Variants in RBFOX1 observed in about 807,000 individuals in gnomAD.
The protein encoded by RBFOX1 is RNA binding protein fox-1 homolog 1.
RBFOX1 carries 8 observed loss-of-function variants against 57.7 expected under a neutral mutation model. The observed-to-expected ratio is 0.14, with a 90% CI of 0.08 to 0.25. The LOEUF (loss-of-function observed/expected upper bound fraction) is 0.25, where lower values mean the gene tolerates loss of function less well. Among genes scored for constraint, RBFOX1 ranks in the 10% least tolerant of loss-of-function variants. The pLI, the probability that RBFOX1 is intolerant of heterozygous loss-of-function variation, is 1.00. For missense variants in RBFOX1, 611 were observed against 548.5 expected, an observed-to-expected ratio of 1.11 and a Z score of -1.14; for synonymous variants, 326 against 222.4, an observed-to-expected ratio of 1.47 and a Z score of -4.15.
intron 3 of RBFOX1, among the ~76,000 whole-genome samples, chr16:7,000,137 G>T (rs780387881): frequency 6.6e-6 from 1 of 150,838 alleles, no homozygotes. Context: ...AAAGTTTTCA[G>T]TACTTACAAT....
chr16:7,595,480 C>G (rs562884166), intron 7 of RBFOX1, 69 bp from the exon 8 acceptor site: 16 of 1,228,758 alleles, frequency 1.3e-5, no homozygotes, highest in Non-Finnish European at 1.7e-5. Context: ...AGCGAGAGAA[C>G]ATTACCAAGT....
chr16:6,089,059 C>G (rs8057386), intron 1 of RBFOX1, among the ~76,000 whole-genome samples: 2,933 of 118,860 alleles, frequency 0.025, 56 homozygotes, highest in African/African-American at 0.074. Context: ...GAGTGAAACT[C>G]TGTCTCAAAA....
intron 3 of RBFOX1, among the ~76,000 whole-genome samples, chr16:6,767,141 A>C (rs2077449413): frequency 5.9e-5 from 9 of 151,828 alleles, no homozygotes. Flanking sequence ...TTTCCTCCAT[A>C]CTTCCAGAGA....
chr16:5,877,337 C>G (rs1370209419), intron 4 of RBFOX1, among the ~76,000 whole-genome samples: 2 of 152,190 alleles, frequency 1.3e-5, no homozygotes, highest in East Asian at 1.9e-4. Flanking sequence ...TTTTTCTGCT[C>G]TCAAGGAGCC....
intron 2 of RBFOX1, among the ~76,000 whole-genome samples, chr16:6,452,510 C>A (rs1051140866): frequency 1.3e-5 from 2 of 152,154 alleles, no homozygotes; most frequent in Admixed American, 6.6e-5. Context: ...GGCAAAAACT[C>A]ATGGAGAGAA....
intron 2 of RBFOX1, among the ~76,000 whole-genome samples, chr16:5,597,765 C>T (rs1449377523): frequency 6.6e-6 from 1 of 152,136 alleles, no homozygotes; most frequent in Non-Finnish European, 1.5e-5. Flanking sequence ...TGCTCCTGCG[C>T]TGTACCTCGT....
intron 2 of RBFOX1, among the ~76,000 whole-genome samples, chr16:5,512,942 G>T (rs2043657419): frequency 6.6e-6 from 1 of 152,076 alleles, no homozygotes; most frequent in Admixed American, 6.5e-5. Context: ...TTGAGACAGG[G>T]TCTCAGTTTG....
chr16:6,836,359 AACAC>A (rs1567481112), intron 3 of RBFOX1, among the ~76,000 whole-genome samples: 2 of 152,228 alleles, frequency 1.3e-5, no homozygotes, highest in African/African-American at 4.8e-5. Context: ...TAGAAACTGA[AACAC>A]ACAGCAACAG....
intron 2 of RBFOX1, among the ~76,000 whole-genome samples, chr16:6,456,956 A>G (rs948829523): frequency 7.9e-5 from 12 of 152,276 alleles, no homozygotes; most frequent in Admixed American, 7.2e-4. Context: ...GATGTCTGAG[A>G]TGTTTGGAAG....
intron 5 of RBFOX1, among the ~76,000 whole-genome samples, chr16:7,527,041 A>G (rs1336582638): frequency 2.0e-5 from 3 of 152,210 alleles, no homozygotes; most frequent in African/African-American, 7.2e-5. Flanking sequence ...GCAACATTAC[A>G]GACTTCGAGT....
At chr16:7,117,632 G>T (rs1160601652) in intron 4 of RBFOX1, among the ~76,000 whole-genome samples, 1 of 152,200 alleles carries the variant, frequency 6.6e-6, no homozygotes, top group Admixed American at 6.5e-5. Flanking sequence ...GGAAGAATCA[G>T]GTTAGGTTTT....
intron 2 of RBFOX1, among the ~76,000 whole-genome samples, chr16:6,456,582 T>A (rs1320217081): frequency 6.6e-6 from 1 of 152,150 alleles, no homozygotes; most frequent in Non-Finnish European, 1.5e-5. Context: ...TTGAAGTGGA[T>A]CAAATTTTCT....
intron 1 of RBFOX1, among the ~76,000 whole-genome samples, chr16:5,345,282 A>C (rs2065116029): frequency 6.6e-6 from 1 of 152,158 alleles, no homozygotes; most frequent in South Asian, 2.1e-4. Flanking sequence ...TGTCCAAGTC[A>C]GGCCAAGGGG....
At chr16:6,944,867 G>T (rs887722376) in intron 3 of RBFOX1, among the ~76,000 whole-genome samples, 4 of 152,172 alleles carry the variant, frequency 2.6e-5, no homozygotes, top group Non-Finnish European at 5.9e-5. Context: ...CCAATTGATT[G>T]ATGATGGCTG....
At position 6,926,555 on chromosome 16, in the gene RBFOX1, G is replaced by A. The variant is rs151242957; in HGVS notation, c.-15-125502G>A. Among the ~76,000 whole-genome samples the A allele has an allele frequency of 6.6e-3, 1,008 of 152,312 alleles. 11 individuals are homozygous for A. Among genetic ancestry groups the A allele is most frequent in the African/African-American group, 0.023 (952 of 41,564 alleles). On this transcript the variant is annotated intron_variant, in intron 3 of 15. Transcript: ENST00000550418. ...GAGGCTTTCTGGAAAATTGCAGGGA[G>A]AAATCCTGCAGGCTCTGCCTTTGAA... is the stretch of plus-strand genomic sequence containing the variant.
rs182551751 is a variant in RBFOX1, at chr16:6,283,043, G to A, written c.-126-33952G>A. On this transcript the variant is annotated intron_variant, in intron 1 of 15. Transcript: ENST00000550418. ...CTACATCTGACTCTAAAACCCTTAC[G>A]CAACCAAACATGGTGGCCCCTGCCT... is the stretch of plus-strand genomic sequence containing the variant. 7.2e-5 allele frequency among the ~76,000 whole-genome samples: 11 copies of A among 152,250 alleles called. No homozygotes were observed. In the East Asian group the frequency reaches 9.7e-4, roughly 13 times the overall value.
intron 2 of RBFOX1, among the ~76,000 whole-genome samples, chr16:6,539,035 A>G (rs1485436865): frequency 6.6e-6 from 1 of 151,946 alleles, no homozygotes; most frequent in African/African-American, 2.4e-5. Flanking sequence ...AGTGTCCTAT[A>G]TGATTTGAAT....
At chr16:6,669,474 CTT>C (rs1366547663) in intron 3 of RBFOX1, among the ~76,000 whole-genome samples, 1 of 151,540 alleles carries the variant, frequency 6.6e-6, no homozygotes, top group Non-Finnish European at 1.5e-5. Flanking sequence ...TTCATATTTT[CTT>C]TGTTTTTTTC....
At chr16:7,211,388 T>C (rs2091104640) in intron 4 of RBFOX1, among the ~76,000 whole-genome samples, 1 of 37,244 alleles carries the variant, frequency 2.7e-5, no homozygotes, top group Non-Finnish European at 5.2e-5. Context: ...TGAGACTGCC[T>C]CTCAAAAAAA....
Sources: gnomAD v4.1 joint callset for allele counts (sites outside exome capture counted in the v4.1 genomes callset) on GRCh38, gnomAD v4.1.1 for gene constraint, MANE v1.5 for transcripts, NCBI Gene and HGNC (gene_info 2026-07-23, HGNC 2026-07-21) for gene names.